The following WWOX variants were observed in gnomAD, a reference collection of about 807,000 sequenced individuals.
WWOX encodes the protein WW domain-containing oxidoreductase.
In WWOX, 69 loss-of-function variants were observed where a neutral mutation model predicts 46.2. That is an observed-to-expected ratio of 1.49 (90% CI 1.23 to 1.82). The LOEUF (loss-of-function observed/expected upper bound fraction) is 1.82, where lower values mean the gene tolerates loss of function less well. Among genes scored for constraint, WWOX ranks in the 40% most tolerant of loss-of-function variants. The pLI, the probability that WWOX is intolerant of heterozygous loss-of-function variation, is 0.00. For synonymous variants in WWOX, 359 were observed against 202.6 expected (o/e 1.77, Z -6.56); for missense variants, 919 against 542.6 (o/e 1.69, Z -6.89).
At chr16:78,514,133 TAG>T (rs2085431428) in intron 8 of WWOX, among the ~76,000 whole-genome samples, 1 of 152,196 alleles carries the variant, frequency 6.6e-6, no homozygotes, top group Non-Finnish European at 1.5e-5. Context: ...ACTTTCTCTA[TAG>T]AGGCTTCAGA....
At chr16:78,371,218 A>G (rs1480253920) in intron 5 of WWOX, among the ~76,000 whole-genome samples, 1 of 152,164 alleles carries the variant, frequency 6.6e-6, no homozygotes, top group Non-Finnish European at 1.5e-5. Context: ...AGGTGACATC[A>G]CTGTACTAAA....
At chr16:78,970,109 G>T (rs896888228) in intron 8 of WWOX, among the ~76,000 whole-genome samples, 5 of 152,164 alleles carry the variant, frequency 3.3e-5, no homozygotes, top group South Asian at 2.1e-4. Context: ...TCTGGACCAC[G>T]ACAGGAACCC....
intron 5 of WWOX, among the ~76,000 whole-genome samples, chr16:78,371,786 T>C (rs928352859): frequency 2.0e-5 from 3 of 152,224 alleles, no homozygotes; most frequent in Non-Finnish European, 4.4e-5. Context: ...CCTGATGTTT[T>C]TCTTTATCTT....
intron 5 of WWOX, among the ~76,000 whole-genome samples, chr16:78,354,894 G>T (rs2081253035): frequency 6.6e-6 from 1 of 152,110 alleles, no homozygotes; most frequent in African/African-American, 2.4e-5. Context: ...AACACTTTTG[G>T]AGGCCAAGGT....
chr16:78,488,358 C>G (rs1430306075), intron 8 of WWOX, among the ~76,000 whole-genome samples: 2 of 152,028 alleles, frequency 1.3e-5, no homozygotes, highest in African/African-American at 2.4e-5. Context: ...AGTTCATTTT[C>G]TAGTCTAGGT....
chr16:78,819,237 AC>A (rs1241578181), intron 8 of WWOX, among the ~76,000 whole-genome samples: 3 of 151,900 alleles, frequency 2.0e-5, no homozygotes, highest in Non-Finnish European at 4.4e-5. Flanking sequence ...GTCTTCAGTG[AC>A]CCCCAGTGAG....
At chr16:78,539,637 A>C (rs1008404580) in intron 8 of WWOX, among the ~76,000 whole-genome samples, 3 of 152,212 alleles carry the variant, frequency 2.0e-5, no homozygotes, top group Non-Finnish European at 4.4e-5. Flanking sequence ...ATTGGCACAT[A>C]TGTGTGTGTG....
chr16:78,772,660 C>G (rs1212792179), intron 8 of WWOX, among the ~76,000 whole-genome samples: 1 of 152,188 alleles, frequency 6.6e-6, no homozygotes, highest in African/African-American at 2.4e-5. Context: ...TTCCAGGCTT[C>G]AAGCCACTGG....
At chr16:78,889,836 G>C (rs528204570) in intron 8 of WWOX, among the ~76,000 whole-genome samples, 4 of 152,238 alleles carry the variant, frequency 2.6e-5, no homozygotes, top group African/African-American at 9.6e-5. Context: ...CAGAACAAGG[G>C]TTACGTTTGC....
At chr16:78,546,215 A>T (rs115076049) in intron 8 of WWOX, among the ~76,000 whole-genome samples, 17 of 152,330 alleles carry the variant, frequency 1.1e-4, no homozygotes, top group African/African-American at 4.1e-4. Flanking sequence ...AGATGACTCT[A>T]ACCTTGTGTA....
At chr16:79,151,697 T>C (rs2050282540) in intron 8 of WWOX, among the ~76,000 whole-genome samples, 1 of 152,044 alleles carries the variant, frequency 6.6e-6, no homozygotes. Flanking sequence ...GGCCACCCTA[T>C]CTCGTGTTGA....
At chr16:78,478,257 T>C (rs1260372288) in intron 8 of WWOX, among the ~76,000 whole-genome samples, 1 of 152,198 alleles carries the variant, frequency 6.6e-6, no homozygotes, top group Non-Finnish European at 1.5e-5. Context: ...TATGGCCTAT[T>C]CCATTCTTTT....
chr16:78,776,766 G>T (rs970441529), intron 8 of WWOX, among the ~76,000 whole-genome samples: 1 of 152,110 alleles, frequency 6.6e-6, no homozygotes, highest in South Asian at 2.1e-4. Context: ...CTTACATGGC[G>T]GCAGGCAAGA....
intron 8 of WWOX, among the ~76,000 whole-genome samples, chr16:78,463,939 C>T (rs994556238): frequency 2.6e-5 from 4 of 152,140 alleles, no homozygotes; most frequent in African/African-American, 9.7e-5. Flanking sequence ...GCTGGTGGAG[C>T]TGCCTTTCCA....
intron 4 of WWOX, among the ~76,000 whole-genome samples, chr16:78,138,603 T>C (rs1461730083): frequency 6.6e-6 from 1 of 152,216 alleles, no homozygotes; most frequent in African/African-American, 2.4e-5. Flanking sequence ...TCCATATCTT[T>C]TGAAAGAAGA....
At chr16:78,691,297 G>C (rs117800143) in intron 8 of WWOX, 1 of 701,782 alleles carries the variant, frequency 1.4e-6, no homozygotes, top group South Asian at 1.5e-5. Flanking sequence ...ACTTTGGTGA[G>C]TTCTTACCTT....
chr16:78,934,279 A>T (rs1400943373), intron 8 of WWOX, among the ~76,000 whole-genome samples: 1 of 145,820 alleles, frequency 6.9e-6, no homozygotes, highest in East Asian at 2.2e-4. Flanking sequence ...CGGATCTTGC[A>T]GTGAGCCGAG....
At chr16:79,048,295 T>C (rs80215791) in intron 8 of WWOX, among the ~76,000 whole-genome samples, 4,573 of 152,116 alleles carry the variant, frequency 0.03, 225 homozygotes, top group African/African-American at 0.1. Context: ...CTTGCAAAGC[T>C]CAGATGGAAG....
intron 8 of WWOX, among the ~76,000 whole-genome samples, chr16:79,005,336 C>T (rs1428382741): frequency 6.6e-6 from 1 of 152,170 alleles, no homozygotes; most frequent in African/African-American, 2.4e-5. Flanking sequence ...ATTTACTCCC[C>T]AGGCTAAGCA....
Sources: gnomAD v4.1 joint callset for allele counts (sites outside exome capture counted in the v4.1 genomes callset) on GRCh38, gnomAD v4.1.1 for gene constraint, MANE v1.5 for transcripts, NCBI Gene and HGNC (gene_info 2026-07-23, HGNC 2026-07-21) for gene names.